The following CCDC134 variants were observed in gnomAD, a reference collection of about 807,000 sequenced individuals.
The protein encoded by CCDC134 is coiled-coil domain containing 134.
Under a neutral mutation model 25.6 loss-of-function variants are expected in CCDC134, and 27 were observed. That is an observed-to-expected ratio of 1.05 (90% CI 0.78 to 1.45). The LOEUF is 1.45. CCDC134 is among the 40% of genes most tolerant of loss of function. CCDC134 has a pLI of 0.00. For synonymous variants in CCDC134, 110 were observed against 115.0 expected (o/e 0.96, Z 0.28); for missense variants, 261 against 286.7 (o/e 0.91, Z 0.65).
chr22:41,820,628 G>C (rs2076647033), intron 6 of CCDC134, among the ~76,000 whole-genome samples: 1 of 152,320 alleles, frequency 6.6e-6, no homozygotes, highest in South Asian at 2.1e-4. Context: ...TTTGGAAGTA[G>C]AGCCAGTGGG....
chr22:41,830,889 T>C lies in CCDC134; in HGVS notation c.*5066T>C, dbSNP rs113118604. Among the ~76,000 whole-genome samples the C allele has an allele frequency of 2.7e-3, 376 of 137,862 alleles. 4 individuals are homozygous for C. The highest frequency in any genetic ancestry group is 0.014 in the Middle Eastern group (4 of 282). 90.4% of individuals were successfully genotyped at this position (137,862 alleles called of 152,430 possible). On this transcript the variant is annotated 3_prime_UTR_variant, in exon 7 of 7. Coordinates refer to ENST00000255784, the MANE Select transcript of CCDC134 (RefSeq NM_024821.5). ...CTTATTTTTTCTTTTCTTTTCTTTT[T>C]TTTTTTTTTTTTTTTTTGAGACGCA...
At chr22:41,817,864 G>C (rs909493093) in intron 6 of CCDC134, among the ~76,000 whole-genome samples, 3 of 152,228 alleles carry the variant, frequency 2.0e-5, no homozygotes, top group Non-Finnish European at 4.4e-5. Context: ...ATGCATGGCT[G>C]TTAGGAAGGA....
chr22:41,808,117 G>A (rs567158462), intron 1 of CCDC134, among the ~76,000 whole-genome samples: 2 of 151,542 alleles, frequency 1.3e-5, no homozygotes, highest in South Asian at 2.1e-4. Context: ...CCGAGATTGC[G>A]CCATTCCACT....
intron 6 of CCDC134, among the ~76,000 whole-genome samples, chr22:41,823,376 C>T (rs2076661435): frequency 6.6e-6 from 1 of 152,012 alleles, no homozygotes; most frequent in South Asian, 2.1e-4. Context: ...AGGCGCCCAT[C>T]ACCACACCTG....
At chr22:41,815,016 G>A (rs545201839) in intron 6 of CCDC134, among the ~76,000 whole-genome samples, 25 of 152,070 alleles carry the variant, frequency 1.6e-4, no homozygotes, top group African/African-American at 5.8e-4. Flanking sequence ...CACACCGTTC[G>A]AGGTTGCTCT....
chr22:41,809,475 AC>A (rs1338726256), intron 2 of CCDC134, among the ~76,000 whole-genome samples: 4 of 152,192 alleles, frequency 2.6e-5, no homozygotes, highest in Non-Finnish European at 4.4e-5. Flanking sequence ...AGGGAGAAAC[AC>A]TGTGTGATGG....
chr22:41,821,024 G>A (rs1003002691), intron 6 of CCDC134, among the ~76,000 whole-genome samples: 40 of 152,174 alleles, frequency 2.6e-4, no homozygotes, highest in African/African-American at 8.9e-4. Flanking sequence ...GCGAGAACCC[G>A]CAGAAGGAGC....
intron 6 of CCDC134, among the ~76,000 whole-genome samples, chr22:41,819,996 T>TATATATATATATAG (rs1019930583): frequency 4.5e-5 from 6 of 132,362 alleles, no homozygotes; most frequent in African/African-American, 1.5e-4. Flanking sequence ...TATATATATA[T>TATATATATATATAG]ATAATTTTTT....
intron 1 of CCDC134, among the ~76,000 whole-genome samples, chr22:41,802,924 A>G (rs1191805679): frequency 6.6e-6 from 1 of 150,428 alleles, no homozygotes; most frequent in Non-Finnish European, 1.5e-5. Flanking sequence ...AAAAAAATAA[A>G]AAATAAAAAA....
chr22:41,808,060 C>G (rs1314259644), intron 1 of CCDC134, among the ~76,000 whole-genome samples: 1 of 151,388 alleles, frequency 6.6e-6, no homozygotes, highest in Middle Eastern at 3.4e-3. Flanking sequence ...CTCAGGAGGC[C>G]GAGGCAGGAG....
At chr22:41,805,203 G>C (rs940194593) in intron 1 of CCDC134, among the ~76,000 whole-genome samples, 3 of 152,222 alleles carry the variant, frequency 2.0e-5, no homozygotes, top group African/African-American at 7.2e-5. Flanking sequence ...GGCCATGGCA[G>C]CCTGATCACT....
At chr22:41,820,475 G>A (rs2076646234) in intron 6 of CCDC134, among the ~76,000 whole-genome samples, 2 of 152,140 alleles carry the variant, frequency 1.3e-5, no homozygotes, top group African/African-American at 4.8e-5. Context: ...AGGTCATCTG[G>A]CTGCTGTGTG....
At position 41,808,882 on chromosome 22, in the gene CCDC134, G is replaced by A. The variant is rs749069557; in HGVS notation, c.-9G>A. The A allele has an allele frequency of 1.9e-6, 3 of 1,611,306 alleles. No individual in the cohort carries two copies. The highest frequency in any genetic ancestry group is 2.2e-5 in the South Asian group (2 of 90,998). On this transcript the variant is annotated 5_prime_UTR_variant, in exon 2 of 7. Transcript: ENST00000255784. ...TTTGGGTTATTCTTCCAGCTCAAGA[G>A]GTTTGGATATGGACCTTCTTCAATT...
chr22:41,809,947 G>A lies in CCDC134; in HGVS notation c.172G>A (p.Asp58Asn), dbSNP rs150671737. ...ACTGAAGAACCTGGCACAGCTGAAC[G>A]ACATCCACCAGCAGTACAAGATCCT... ...LALKNLAQLNDIHQQYKILDV... is the reference protein window; with the variant it reads ...LALKNLAQLNNIHQQYKILDV... Residue 58 changes from aspartate to asparagine, a missense_variant, in exon 3 of 7, where the codon GAC (aspartate) becomes AAC (asparagine). Coordinates refer to ENST00000255784, the MANE Select transcript of CCDC134 (RefSeq NM_024821.5). 5.6e-6 allele frequency: 9 copies of A among 1,614,042 alleles called. No individual in the cohort carries two copies. Among genetic ancestry groups the A allele is most frequent in the African/African-American group, 2.7e-5 (2 of 74,924 alleles).
rs544393105 is a variant in CCDC134, at chr22:41,829,784, CT to C, written c.*3970del. On this transcript the variant is annotated 3_prime_UTR_variant, in exon 7 of 7. Coordinates refer to ENST00000255784, the MANE Select transcript of CCDC134 (RefSeq NM_024821.5). ...TTTTCTTTCTTTCTTTCTTTTTTTT[CT>C]TTTTTTTTGAGACAAGTCTCACTTT... Among the ~76,000 whole-genome samples, 2 of 150,874 alleles carry C rather than the reference CT, an allele frequency of 1.3e-5. No homozygotes were observed. The highest frequency in any genetic ancestry group is 1.9e-4 in the East Asian group (1 of 5,164).
At chr22:41,822,921 T>C (rs940860376) in intron 6 of CCDC134, among the ~76,000 whole-genome samples, 1 of 152,234 alleles carries the variant, frequency 6.6e-6, no homozygotes, top group African/African-American at 2.4e-5. Flanking sequence ...CATGACTCAA[T>C]CTAACCTGGT....
At position 41,830,434 on chromosome 22, in the gene CCDC134, G is replaced by A. The variant is rs1186661705; in HGVS notation, c.*4611G>A. ...TGGGGGGTGCCCTGGGCCAGAGTGA[G>A]TTGTATGGGAGTTGTTGCTGAATCC... On this transcript the variant is annotated 3_prime_UTR_variant, in exon 7 of 7. Transcript: ENST00000255784. Among the ~76,000 whole-genome samples the A allele has an allele frequency of 6.6e-6, 1 of 152,210 alleles. No homozygotes were observed. The highest frequency in any genetic ancestry group is 1.5e-5 in the Non-Finnish European group (1 of 68,050).
At position 41,813,949 on chromosome 22, in the gene CCDC134, A is replaced by T. The variant is rs759258621; in HGVS notation, c.564+127A>T. 5 of 741,640 alleles carry T rather than the reference A, an allele frequency of 6.7e-6. No individual in the cohort carries two copies. In the African/African-American group the frequency reaches 7.0e-5, roughly 10 times the overall value. 45.9% of individuals were successfully genotyped at this position (741,640 alleles called of 1,614,324 possible). On this transcript the variant is annotated intron_variant, in intron 6 of 6. Coordinates refer to ENST00000255784, the MANE Select transcript of CCDC134 (RefSeq NM_024821.5). ...AGCCAGGCAGCCTGGGCCTGGGTCC[A>T]GAAGATATCACTGACTCATTGGAGC...
rs2076693518 is a variant in CCDC134 at position 41,829,198 on chromosome 22, C to T, written c.*3375C>T. On this transcript the variant is annotated 3_prime_UTR_variant, in exon 7 of 7. Coordinates refer to ENST00000255784, the MANE Select transcript of CCDC134 (RefSeq NM_024821.5). ...CACAGCCCTTCTCCTTATTCCAGTC[C>T]CACATCTTCCTCCCCTTCCCCATCA... Among the ~76,000 whole-genome samples the T allele has an allele frequency of 2.0e-5, 3 of 152,194 alleles. No individual in the cohort carries two copies. Among genetic ancestry groups the T allele is most frequent in the Non-Finnish European group, 4.4e-5 (3 of 68,026 alleles).
Sources: gnomAD v4.1 joint callset for allele counts (sites outside exome capture counted in the v4.1 genomes callset) on GRCh38, gnomAD v4.1.1 for gene constraint, MANE v1.5 for transcripts, NCBI Gene and HGNC (gene_info 2026-07-23, HGNC 2026-07-21) for gene names.